The following TNPO3 variants were observed in gnomAD, a reference collection of about 807,000 sequenced individuals.
TNPO3 encodes the protein transportin-3.
A neutral mutation model predicts 122.8 loss-of-function variants in TNPO3; 65 were observed. The ratio of observed to expected loss-of-function variants is 0.53; its 90% confidence interval spans 0.43 to 0.65. The LOEUF (loss-of-function observed/expected upper bound fraction) is 0.65, where lower values mean the gene tolerates loss of function less well. TNPO3 is among the 30% of genes least tolerant of loss of function. The pLI is 0.00. For missense variants in TNPO3, 850 were observed against 1,136.7 expected (o/e 0.75, Z 3.63); for synonymous variants, 372 against 411.2 (o/e 0.90, Z 1.15).
chr7:128,956,803 C>T (rs1409643022), intron 22 of TNPO3, among the ~76,000 whole-genome samples: 1 of 152,218 alleles, frequency 6.6e-6, no homozygotes, highest in African/African-American at 2.4e-5. Context: ...GCTCTTTGCT[C>T]ATTACATCTG....
intron 1 of TNPO3, chr7:129,041,484 G>GA (rs1807376096): frequency 1.1e-6 from 1 of 940,612 alleles, no homozygotes; most frequent in African/African-American, 1.8e-5. Context: ...CTAAACAGCA[G>GA]AAAAAAGGAA....
intron 1 of TNPO3, among the ~76,000 whole-genome samples, chr7:129,047,433 T>C (rs17166957): frequency 0.07 from 10,645 of 152,236 alleles, 833 homozygotes; most frequent in African/African-American, 0.19. Context: ...AAATACTCTC[T>C]TTCAGAACAC....
intron 16 of TNPO3, among the ~76,000 whole-genome samples, chr7:128,978,287 T>TC: frequency 6.6e-6 from 1 of 151,932 alleles, no homozygotes; most frequent in East Asian, 1.9e-4. Context: ...ACTAAAAGAG[T>TC]CAAATTTATT....
chr7:128,955,087 CTTTTTTTT>C lies in TNPO3; in HGVS notation c.*322_*329del, dbSNP rs1796774309. ...CAGTTCTGGTTTCTGTTTAGTCTTC[CTTTTTTTT>C]CTTTTTTCTTTACTTAAAATTATTT... On this transcript the variant is annotated 3_prime_UTR_variant, in exon 23 of 23. Transcript: ENST00000265388. The C allele has an allele frequency of 3.1e-6, 1 of 326,282 alleles. No individual in the cohort carries two copies. Among genetic ancestry groups the C allele is most frequent in the African/African-American group, 2.2e-5 (1 of 44,614 alleles). 20.2% of individuals were successfully genotyped at this position (326,282 alleles called of 1,614,324 possible).
chr7:128,991,709 T>A (rs998004394), intron 10 of TNPO3, among the ~76,000 whole-genome samples: 1 of 152,184 alleles, frequency 6.6e-6, no homozygotes, highest in African/African-American at 2.4e-5. Context: ...AACAAATTCT[T>A]TACCATACCA....
intron 1 of TNPO3, among the ~76,000 whole-genome samples, chr7:129,018,741 CAG>C (rs1804120972): frequency 1.3e-5 from 2 of 152,086 alleles, no homozygotes; most frequent in East Asian, 1.9e-4. Flanking sequence ...TTTTTGGAGA[CAG>C]AGTCTCACTC....
At chr7:129,043,395 A>G (rs1330003144) in intron 1 of TNPO3, among the ~76,000 whole-genome samples, 1 of 152,068 alleles carries the variant, frequency 6.6e-6, no homozygotes, top group East Asian at 1.9e-4. Context: ...ACAGAGTGAA[A>G]CCCTATCTCT....
intron 1 of TNPO3, among the ~76,000 whole-genome samples, chr7:129,043,114 G>A (rs1807589921): frequency 6.6e-6 from 1 of 152,014 alleles, no homozygotes; most frequent in East Asian, 1.9e-4. Context: ...TTACTTAAAA[G>A]GAAGGGTCAG....
intron 6 of TNPO3, 69 bp downstream of exon 6, chr7:129,000,989 TA>T: frequency 6.6e-7 from 1 of 1,521,114 alleles, no homozygotes; most frequent in Non-Finnish European, 9.0e-7. Context: ...AGACGAATAA[TA>T]AAAAGTGACT....
intron 1 of TNPO3, among the ~76,000 whole-genome samples, chr7:129,042,475 A>G (rs997223056): frequency 4.6e-5 from 7 of 152,218 alleles, no homozygotes; most frequent in Non-Finnish European, 1.0e-4. Flanking sequence ...AGAATTTCCC[A>G]TATCAAGAAA....
chr7:129,026,721 G>A (rs1280559512), intron 1 of TNPO3, among the ~76,000 whole-genome samples: 1 of 151,960 alleles, frequency 6.6e-6, no homozygotes, highest in Non-Finnish European at 1.5e-5. Context: ...TATTTTTAAA[G>A]TGTCTTTTGT....
At chr7:128,957,337 G>A in intron 21 of TNPO3, 22 bp from the exon 22 acceptor site, 1 of 1,613,762 alleles carries the variant, frequency 6.2e-7, no homozygotes, top group Non-Finnish European at 8.5e-7. Context: ...AAGGTAGGTT[G>A]GTCCTTGACT....
chr7:129,015,263 A>G (rs1321978087), intron 3 of TNPO3, 128 bp from the exon 4 acceptor site: 1 of 884,636 alleles, frequency 1.1e-6, no homozygotes, highest in Non-Finnish European at 1.7e-6. Context: ...GGGGAGAAAA[A>G]AGATACAAAC....
chr7:129,013,906 G>A (rs1803519891), intron 4 of TNPO3, among the ~76,000 whole-genome samples: 1 of 152,074 alleles, frequency 6.6e-6, no homozygotes, highest in South Asian at 2.1e-4. Context: ...TGCTATGTTG[G>A]AGTGAAAAAA....
intron 21 of TNPO3, among the ~76,000 whole-genome samples, chr7:128,959,433 G>A (rs1797220953): frequency 6.6e-6 from 1 of 152,236 alleles, no homozygotes; most frequent in South Asian, 2.1e-4. Context: ...CTGGGCTCAA[G>A]CTATCGTCCT....
At chr7:128,998,139 CAT>C (rs1459942197) in intron 7 of TNPO3, among the ~76,000 whole-genome samples, 2 of 151,664 alleles carry the variant, frequency 1.3e-5, no homozygotes, top group Non-Finnish European at 2.9e-5. Context: ...TGAGCCACCA[CAT>C]AGTTTTATTT....
intron 4 of TNPO3, among the ~76,000 whole-genome samples, chr7:129,010,877 G>C (rs1433214730): frequency 6.6e-6 from 1 of 152,006 alleles, no homozygotes. Flanking sequence ...AGGCCAAGGA[G>C]AGAGGATCAC....
intron 15 of TNPO3, 136 bp downstream of exon 15, chr7:128,979,835 A>T: frequency 2.6e-6 from 2 of 784,132 alleles, no homozygotes; most frequent in Non-Finnish European, 4.4e-6. Flanking sequence ...TCTGTCCCTC[A>T]TTTCATTGAA....
At chr7:128,991,564 G>A (rs1800749070) in intron 10 of TNPO3, among the ~76,000 whole-genome samples, 1 of 152,098 alleles carries the variant, frequency 6.6e-6, no homozygotes. Flanking sequence ...TAGGTGAAAA[G>A]GTGCCTATGC....
Sources: gnomAD v4.1 joint callset for allele counts (sites outside exome capture counted in the v4.1 genomes callset) on GRCh38, gnomAD v4.1.1 for gene constraint, MANE v1.5 for transcripts, NCBI Gene and HGNC (gene_info 2026-07-23, HGNC 2026-07-21) for gene names.